Variants in GNG12 observed in about 807,000 individuals in gnomAD.
The protein encoded by GNG12 is G protein subunit gamma 12.
For synonymous variants in GNG12, 28 were observed against 29.7 expected, an observed-to-expected ratio of 0.94 and a Z score of 0.19; for missense variants, 69 against 83.8, an observed-to-expected ratio of 0.82 and a Z score of 0.69.
At chr1:67,790,981 AG>A (rs1252623022) in intron 1 of GNG12, among the ~76,000 whole-genome samples, 3 of 152,192 alleles carry the variant, frequency 2.0e-5, no homozygotes, top group Non-Finnish European at 4.4e-5. Flanking sequence ...GAAGCGCCCT[AG>A]ATTTTTCATA....
intron 2 of GNG12, among the ~76,000 whole-genome samples, chr1:67,709,852 T>A (rs1277854313): frequency 2.5e-4 from 31 of 122,918 alleles, no homozygotes; most frequent in African/African-American, 5.3e-4. Flanking sequence ...GTATATATAT[T>A]TATATATATA....
intron 2 of GNG12, among the ~76,000 whole-genome samples, chr1:67,757,905 T>C (rs1646579168): frequency 6.6e-6 from 1 of 152,218 alleles, no homozygotes; most frequent in Non-Finnish European, 1.5e-5. Context: ...GGACAGGGGT[T>C]ACATAAACGA....
At chr1:67,775,401 T>C (rs1379546109) in intron 2 of GNG12, among the ~76,000 whole-genome samples, 3 of 152,246 alleles carry the variant, frequency 2.0e-5, no homozygotes, top group Admixed American at 6.5e-5. Context: ...CATGAAGATA[T>C]TGTAAAAGCA....
chr1:67,828,433 C>T (rs1339190664), intron 1 of GNG12, among the ~76,000 whole-genome samples: 1 of 152,212 alleles, frequency 6.6e-6, no homozygotes, highest in Non-Finnish European at 1.5e-5. Context: ...AGTTAAGATG[C>T]TTCTGGGTCA....
At chr1:67,737,352 G>T (rs1336156152) in intron 2 of GNG12, among the ~76,000 whole-genome samples, 1 of 152,158 alleles carries the variant, frequency 6.6e-6, no homozygotes, top group South Asian at 2.1e-4. Context: ...AAATATAAAT[G>T]ATTTCTGTTC....
chr1:67,748,800 T>C (rs539427157), intron 2 of GNG12, among the ~76,000 whole-genome samples: 9 of 152,342 alleles, frequency 5.9e-5, no homozygotes, highest in African/African-American at 2.2e-4. Context: ...CATGCTACTT[T>C]TGGAGGCAGG....
At chr1:67,721,739 C>T (rs930674960) in intron 2 of GNG12, among the ~76,000 whole-genome samples, 1 of 152,118 alleles carries the variant, frequency 6.6e-6, no homozygotes, top group African/African-American at 2.4e-5. Context: ...GCAGAATATT[C>T]CAAATTCCCT....
Position 67,709,821 on chromosome 1 carries a change from T to C in GNG12, c.-26-2109A>G, listed in dbSNP as rs1004291342. On this transcript the variant is annotated intron_variant, in intron 2 of 3. Coordinates refer to ENST00000370982, the MANE Select transcript of GNG12 (RefSeq NM_018841.6). ...TCACAGCAAGTTGCAGATATATATA[T>C]ATATAAATATATATATATTTGTATA... Among the ~76,000 whole-genome samples the C allele has an allele frequency of 4.6e-5, 6 of 130,854 alleles. No individual in the cohort carries two copies. In the Admixed American group the frequency reaches 5.5e-4, roughly 12 times the overall value. The allele number at this position is 130,854 out of a possible 152,430, so 85.8% of individuals were successfully genotyped here.
chr1:67,739,469 G>C (rs968729880), intron 2 of GNG12, among the ~76,000 whole-genome samples: 1 of 152,212 alleles, frequency 6.6e-6, no homozygotes, highest in African/African-American at 2.4e-5. Context: ...AGAGACAGAA[G>C]ACAGAGGGCA....
chr1:67,811,662 T>C (rs770265971), intron 1 of GNG12, among the ~76,000 whole-genome samples: 23 of 152,206 alleles, frequency 1.5e-4, no homozygotes, highest in Non-Finnish European at 2.8e-4. Context: ...GATGTTACAC[T>C]GCCTGTTGCC....
chr1:67,705,200 T>TA lies in GNG12; in HGVS notation c.*250dup, dbSNP rs2100663773. ...TAAAAAGGCCCAGATCAACTTTCCT[T>TA]AAACAGTAACCCAACATAAAGCCAT... On this transcript the variant is annotated 3_prime_UTR_variant, in exon 4 of 4. Transcript: ENST00000370982. The TA allele has an allele frequency of 3.0e-6, 1 of 337,780 alleles. No individual in the cohort carries two copies. Among genetic ancestry groups the TA allele is most frequent in the East Asian group, 6.7e-5 (1 of 14,868 alleles). 20.9% of individuals were successfully genotyped at this position (337,780 alleles called of 1,614,324 possible).
At chr1:67,783,692 G>A (rs980919858) in intron 1 of GNG12, among the ~76,000 whole-genome samples, 1 of 152,222 alleles carries the variant, frequency 6.6e-6, no homozygotes, top group Non-Finnish European at 1.5e-5. Flanking sequence ...AGACATTTAT[G>A]CAGCCAAAAA....
chr1:67,793,379 C>T (rs1646812368), intron 1 of GNG12, among the ~76,000 whole-genome samples: 1 of 152,112 alleles, frequency 6.6e-6, no homozygotes, highest in Non-Finnish European at 1.5e-5. Flanking sequence ...ACTTTGATTT[C>T]CATGTATTTC....
rs560410127 is a variant in GNG12, at chr1:67,804,219, C to T, written c.-76-26712G>A. Among the ~76,000 whole-genome samples, 9 of 152,314 alleles carry T rather than the reference C, an allele frequency of 5.9e-5. 2 individuals carry two copies. The highest frequency in any genetic ancestry group is 2.2e-4 in the African/African-American group (9 of 41,562). ...TGATACTATTACTTTCTCCAGTAAC[C>T]TCTTCAAATAAAAATCAGTTAATTA... On this transcript the variant is annotated intron_variant, in intron 1 of 3. Transcript: ENST00000370982.
chr1:67,736,498 C>T (rs942674504), intron 2 of GNG12, among the ~76,000 whole-genome samples: 22 of 152,154 alleles, frequency 1.4e-4, no homozygotes, highest in African/African-American at 5.1e-4. Flanking sequence ...TGTAAATGAA[C>T]CCTGTGCTGG....
intron 1 of GNG12, among the ~76,000 whole-genome samples, chr1:67,781,169 C>T (rs376700032): frequency 1.6e-4 from 25 of 152,168 alleles, no homozygotes; most frequent in Admixed American, 1.3e-4. Flanking sequence ...GCCCAGCCTA[C>T]CCACTTGCAG....
chr1:67,821,944 GA>G (rs1325211881), intron 1 of GNG12, among the ~76,000 whole-genome samples: 1 of 151,932 alleles, frequency 6.6e-6, no homozygotes, highest in Non-Finnish European at 1.5e-5. Flanking sequence ...CCAGGAGACT[GA>G]AACCGCAAAC....
At chr1:67,807,520 AAT>A (rs1456548406) in intron 1 of GNG12, among the ~76,000 whole-genome samples, 1 of 152,050 alleles carries the variant, frequency 6.6e-6, no homozygotes, top group African/African-American at 2.4e-5. Flanking sequence ...GAGAAAAATC[AAT>A]GAAACCAAAA....
Position 67,703,440 on chromosome 1 carries a change from G to A in GNG12, c.*2011C>T, listed in dbSNP as rs1646226777. On this transcript the variant is annotated 3_prime_UTR_variant, in exon 4 of 4. Coordinates refer to ENST00000370982, the MANE Select transcript of GNG12 (RefSeq NM_018841.6). ...AGAAGCTACATTATAAATATTTAAA[G>A]AAACGTTAAAAATCAGAGTGAAAAT... The A allele has an allele frequency of 6.6e-6, 1 of 152,012 alleles. No homozygotes were observed. Among genetic ancestry groups the A allele is most frequent in the Non-Finnish European group, 1.5e-5 (1 of 68,004 alleles). The allele number at this position is 152,012 out of a possible 1,614,324, so 9.4% of individuals were successfully genotyped here. A position where few individuals can be genotyped will look rare whatever the true frequency, so the allele number is the denominator to read the frequency against.
Sources: gnomAD v4.1 joint callset for allele counts (sites outside exome capture counted in the v4.1 genomes callset) on GRCh38, gnomAD v4.1.1 for gene constraint, MANE v1.5 for transcripts, NCBI Gene and HGNC (gene_info 2026-07-23, HGNC 2026-07-21) for gene names.